The following ATP8A2 variants were observed in gnomAD, a reference collection of about 807,000 sequenced individuals.
ATP8A2 encodes phospholipid-transporting ATPase IB.
ATP8A2 carries 100 observed loss-of-function variants against 165.6 expected under a neutral mutation model. The ratio of observed to expected loss-of-function variants is 0.60; its 90% CI spans 0.51 to 0.71. The LOEUF (loss-of-function observed/expected upper bound fraction) is 0.71, where lower values mean the gene tolerates loss of function less well. Among genes scored for constraint, ATP8A2 ranks in the 30% least tolerant of loss-of-function variants. The pLI, the probability that ATP8A2 is intolerant of heterozygous loss-of-function variation, is 0.00. For synonymous variants in ATP8A2, 543 were observed against 548.8 expected (o/e 0.99, Z 0.15); for missense variants, 1,227 against 1,479.5 (o/e 0.83, Z 2.80).
At chr13:25,660,055 T>C (rs933681477) in intron 24 of ATP8A2, among the ~76,000 whole-genome samples, 21 of 152,226 alleles carry the variant, frequency 1.4e-4, no homozygotes, top group African/African-American at 5.1e-4. Flanking sequence ...AAAAATCTTT[T>C]ACTATCAGGC....
intron 33 of ATP8A2, among the ~76,000 whole-genome samples, chr13:25,937,848 CAAAAAAAAAAAAAAA>C (rs57258286): frequency 1.2e-5 from 1 of 83,558 alleles, no homozygotes; most frequent in Non-Finnish European, 2.2e-5. Context: ...GACTCCGTCT[CAAAAAAAAAAAAAAA>C]AAAAAAAAGA....
Position 26,023,605 on chromosome 13 carries a change from A to G in ATP8A2, c.*3620A>G, listed in dbSNP as rs1449067479. ...ATAGTCTGTAATTTCCATTTGTTAT[A>G]ATAATGACCTTTAATCTTGTCATTT... On this transcript the variant is annotated 3_prime_UTR_variant, in exon 37 of 37. Transcript: ENST00000381655. 1 of 152,246 alleles carries G rather than the reference A, an allele frequency of 6.6e-6. No individual in the cohort carries two copies. Among genetic ancestry groups the G allele is most frequent in the Non-Finnish European group, 1.5e-5 (1 of 68,052 alleles). The allele number at this position is 152,246 out of a possible 1,614,324, so 9.4% of individuals were successfully genotyped here. A position where few individuals can be genotyped will look rare whatever the true frequency, so the allele number is the denominator to read the frequency against.
intron 1 of ATP8A2, among the ~76,000 whole-genome samples, chr13:25,442,023 A>G (rs991249502): frequency 1.3e-5 from 2 of 152,232 alleles, no homozygotes; most frequent in African/African-American, 2.4e-5. Context: ...TTCACTTAGC[A>G]TGATGTCCTC....
In ATP8A2 at chr13:25,912,866, G is replaced by A. The variant is rs575652383; in HGVS notation, c.3184-48709G>A. 5.3e-5 allele frequency among the ~76,000 whole-genome samples: 8 copies of A among 152,248 alleles called. No individual in the cohort carries two copies. In the South Asian group the frequency reaches 1.7e-3, roughly 32 times the overall value. On this transcript the variant is annotated intron_variant, in intron 33 of 36. Transcript: ENST00000381655. ...AGTGGGAGCTTCATTTTGTGGTTAT[G>A]ACAGCCCAATCTGAGAAGGAGGTGT...
At chr13:25,908,756 C>G (rs1332667513) in intron 33 of ATP8A2, among the ~76,000 whole-genome samples, 1 of 152,192 alleles carries the variant, frequency 6.6e-6, no homozygotes, top group Non-Finnish European at 1.5e-5. Context: ...AAAGAAACTG[C>G]CTTCAGAGGA....
At chr13:25,556,854 C>T (rs1490505791) in intron 13 of ATP8A2, among the ~76,000 whole-genome samples, 1 of 152,132 alleles carries the variant, frequency 6.6e-6, no homozygotes, top group Admixed American at 6.5e-5. Flanking sequence ...TCCAAGCTTC[C>T]CTGCCTGGTG....
intron 24 of ATP8A2, among the ~76,000 whole-genome samples, chr13:25,628,527 T>A (rs922033112): frequency 6.6e-6 from 1 of 152,184 alleles, no homozygotes; most frequent in Non-Finnish European, 1.5e-5. Context: ...ACACTGCCTG[T>A]ATTAGTCTTC....
At chr13:25,635,938 C>T (rs75100577) in intron 24 of ATP8A2, among the ~76,000 whole-genome samples, 5,243 of 152,180 alleles carry the variant, frequency 0.034, 151 homozygotes, top group East Asian at 0.13. Flanking sequence ...ACAAAGACAG[C>T]GCACCCCCTC....
intron 2 of ATP8A2, among the ~76,000 whole-genome samples, chr13:25,499,606 A>G (rs1165710692): frequency 6.6e-6 from 1 of 152,204 alleles, no homozygotes; most frequent in Admixed American, 6.5e-5. Context: ...TTGGATGCCA[A>G]TAATTTCTTG....
chr13:26,011,697 G>A (rs892874803), intron 35 of ATP8A2, among the ~76,000 whole-genome samples: 3 of 152,160 alleles, frequency 2.0e-5, no homozygotes, highest in African/African-American at 7.2e-5. Flanking sequence ...ACTTTGGGAG[G>A]CCGAGGCAGG....
chr13:25,563,205 T>C (rs2039212049), intron 15 of ATP8A2, among the ~76,000 whole-genome samples: 1 of 152,052 alleles, frequency 6.6e-6, no homozygotes, highest in Non-Finnish European at 1.5e-5. Flanking sequence ...AGGTCAGGAG[T>C]TTGAGACCAG....
Position 25,442,802 on chromosome 13 carries a change from A to G in ATP8A2, c.77-26175A>G, listed in dbSNP as rs74574726. Among the ~76,000 whole-genome samples the G allele has an allele frequency of 7.9e-3, 1,198 of 152,234 alleles. 19 individuals are homozygous for G. Among genetic ancestry groups the G allele is most frequent in the African/African-American group, 0.027 (1,111 of 41,526 alleles). On this transcript the variant is annotated intron_variant, in intron 1 of 36. Coordinates refer to ENST00000381655, the MANE Select transcript of ATP8A2 (RefSeq NM_016529.6). Reference sequence around the variant, plus strand: ...CCATTTACTTGCATATCTTCTTTGGAAAAATGTCTATGCCAGTCCCTTGCC... The same window carrying G: ...CCATTTACTTGCATATCTTCTTTGGGAAAATGTCTATGCCAGTCCCTTGCC...
In ATP8A2 at chr13:25,411,132, CTT is replaced by C. The variant is rs1238460578; in HGVS notation, c.76+38845_76+38846del. On this transcript the variant is annotated intron_variant, in intron 1 of 36. Coordinates refer to ENST00000381655, the MANE Select transcript of ATP8A2 (RefSeq NM_016529.6). ...ATGGTTTATTTATAATGTTGTCAAA[CTT>C]ATAAAATTTTTACAATCTTCTTTTA... 9.9e-5 allele frequency among the ~76,000 whole-genome samples: 15 copies of C among 152,246 alleles called. No homozygotes were observed. In the East Asian group the frequency reaches 1.7e-3, roughly 18 times the overall value.
chr13:25,994,174 A>G (rs1956447482), intron 35 of ATP8A2, among the ~76,000 whole-genome samples: 1 of 152,110 alleles, frequency 6.6e-6, no homozygotes, highest in African/African-American at 2.4e-5. Flanking sequence ...TGATTTTTGT[A>G]TGTTGATCTT....
chr13:26,018,049 C>T (rs893263980), intron 36 of ATP8A2, among the ~76,000 whole-genome samples: 5 of 152,348 alleles, frequency 3.3e-5, no homozygotes, highest in South Asian at 2.1e-4. Flanking sequence ...CCTTCTCTCC[C>T]GCCCACTGTC....
rs59548191 is a variant in ATP8A2 at position 25,649,688 on chromosome 13, C to T, written c.2212-49485C>T. ...TGTTAGACTCCCAGGTGTGGCACAA[C>T]TAGCTTTCCATTTTGCTGCAATTCC... On this transcript the variant is annotated intron_variant, in intron 24 of 36. Transcript: ENST00000381655. Among the ~76,000 whole-genome samples, 744 of 152,226 alleles carry T rather than the reference C, an allele frequency of 4.9e-3. 3 individuals carry two copies. Among genetic ancestry groups the T allele is most frequent in the African/African-American group, 0.017 (707 of 41,540 alleles).
intron 10 of ATP8A2, among the ~76,000 whole-genome samples, chr13:25,546,737 C>T (rs2038662669): frequency 6.6e-6 from 1 of 152,198 alleles, no homozygotes. Flanking sequence ...ATTTATTCCT[C>T]ACAATGGCTA....
At chr13:25,985,999 G>C (rs1483278991) in intron 35 of ATP8A2, among the ~76,000 whole-genome samples, 4 of 152,326 alleles carry the variant, frequency 2.6e-5, no homozygotes, top group African/African-American at 9.6e-5. Context: ...ATATCCCTGT[G>C]TGTTAATTTT....
chr13:25,447,402 G>T (rs1593319255), intron 1 of ATP8A2, among the ~76,000 whole-genome samples: 1 of 152,172 alleles, frequency 6.6e-6, no homozygotes, highest in South Asian at 2.1e-4. Context: ...CTGTGTTGGT[G>T]AGATGGGAGA....
Sources: allele counts gnomAD v4.1 joint callset (sites outside exome capture counted in the v4.1 genomes callset), GRCh38; gene constraint gnomAD v4.1.1; transcripts MANE v1.5; gene names NCBI Gene and HGNC (gene_info 2026-07-23, HGNC 2026-07-21).